Variants in SIL1 observed in about 807,000 individuals in gnomAD.
SIL1 encodes nucleotide exchange factor SIL1.
Under a neutral mutation model 49.1 loss-of-function variants are expected in SIL1, and 40 were observed. That is an observed-to-expected ratio of 0.81 (90% CI 0.63 to 1.06). SIL1 has a LOEUF of 1.06. Ranked by LOEUF, SIL1 falls within the 50% of genes least tolerant of loss-of-function variation. The probability of loss-of-function intolerance (pLI) is 0.00; values close to 1 mark genes in which losing one functional copy is unlikely to be tolerated. For missense variants in SIL1, 500 were observed against 572.6 expected, an observed-to-expected ratio of 0.87 and a Z score of 1.29; for synonymous variants, 253 against 250.8, an observed-to-expected ratio of 1.01 and a Z score of -0.08.
At chr5:139,182,215 A>C (rs1246334820) in intron 1 of SIL1, among the ~76,000 whole-genome samples, 1 of 152,218 alleles carries the variant, frequency 6.6e-6, no homozygotes, top group Admixed American at 6.5e-5. Flanking sequence ...AGGTCCACGC[A>C]GCACAAAAAG....
At chr5:139,005,707 G>A (rs1768103038) in intron 7 of SIL1, among the ~76,000 whole-genome samples, 1 of 83,926 alleles carries the variant, frequency 1.2e-5, no homozygotes, top group South Asian at 4.8e-4. Flanking sequence ...GCGGTGTTTG[G>A]TTTTTTGTTC....
chr5:138,955,312 T>TA (rs1196093685), intron 7 of SIL1, among the ~76,000 whole-genome samples: 2 of 152,172 alleles, frequency 1.3e-5, no homozygotes, highest in African/African-American at 4.8e-5. Context: ...TAAATACCAT[T>TA]AGCACTTGGA....
intron 7 of SIL1, among the ~76,000 whole-genome samples, chr5:138,966,893 C>T (rs965729848): frequency 1.2e-4 from 18 of 152,290 alleles, no homozygotes; most frequent in Admixed American, 2.6e-4. Context: ...ACTGGGGACA[C>T]GCCGCAAATT....
chr5:138,959,783 GT>G (rs1008778905), intron 7 of SIL1, among the ~76,000 whole-genome samples: 2 of 152,212 alleles, frequency 1.3e-5, no homozygotes, highest in African/African-American at 4.8e-5. Flanking sequence ...CCCACCCACA[GT>G]CCAATGGGCC....
At chr5:139,092,976 G>A (rs954676020) in intron 3 of SIL1, among the ~76,000 whole-genome samples, 4 of 152,122 alleles carry the variant, frequency 2.6e-5, no homozygotes, top group South Asian at 2.1e-4. Context: ...GTAAGTTTTC[G>A]CAAGAGTAGT....
chr5:139,129,113 C>T (rs1040262024), intron 1 of SIL1, among the ~76,000 whole-genome samples: 1 of 152,150 alleles, frequency 6.6e-6, no homozygotes, highest in Non-Finnish European at 1.5e-5. Context: ...CACCACTGCA[C>T]TACAACCTGG....
chr5:139,001,014 C>A (rs1280760757), intron 7 of SIL1, among the ~76,000 whole-genome samples: 1 of 151,796 alleles, frequency 6.6e-6, no homozygotes. Flanking sequence ...CACACAAAAA[C>A]CTACATAATC....
intron 4 of SIL1, among the ~76,000 whole-genome samples, chr5:139,045,229 C>T (rs533741079): frequency 6.6e-5 from 10 of 152,022 alleles, no homozygotes; most frequent in Non-Finnish European, 1.3e-4. Flanking sequence ...AGGTGGTGTG[C>T]ACCTGTGGCC....
chr5:138,950,040 G>A (rs1766731148), intron 9 of SIL1, among the ~76,000 whole-genome samples: 1 of 152,280 alleles, frequency 6.6e-6, no homozygotes, highest in South Asian at 2.1e-4. Flanking sequence ...GGCTCCCGGG[G>A]CCGGCAGCCT....
At chr5:139,104,405 A>G (rs894177599) in intron 3 of SIL1, among the ~76,000 whole-genome samples, 2 of 152,074 alleles carry the variant, frequency 1.3e-5, no homozygotes, top group Non-Finnish European at 2.9e-5. Flanking sequence ...TGATTCCCCA[A>G]AGTCCCACTC....
intron 7 of SIL1, 42 bp downstream of exon 7, chr5:139,021,129 C>T (rs758269272): frequency 6.2e-7 from 1 of 1,613,998 alleles, no homozygotes; most frequent in Non-Finnish European, 8.5e-7. Context: ...GCAGATCAGG[C>T]CAAGCAATTC....
chr5:139,149,126 G>GA (rs957808468), intron 1 of SIL1, among the ~76,000 whole-genome samples: 25 of 143,730 alleles, frequency 1.7e-4, no homozygotes, highest in East Asian at 4.0e-4. Flanking sequence ...GAGCACCCAG[G>GA]AAAAAAAAAA....
intron 1 of SIL1, among the ~76,000 whole-genome samples, chr5:139,143,209 G>A (rs1581130807): frequency 6.8e-6 from 1 of 147,568 alleles, no homozygotes; most frequent in African/African-American, 2.6e-5. Context: ...ATATATATGT[G>A]TATATACACA....
intron 7 of SIL1, among the ~76,000 whole-genome samples, chr5:139,016,526 G>GAAT: frequency 6.6e-6 from 1 of 152,124 alleles, no homozygotes; most frequent in Middle Eastern, 3.2e-3. Context: ...GAATCTTTGT[G>GAAT]AATAGCTACA....
chr5:139,038,500 A>G (rs775351306), intron 5 of SIL1, among the ~76,000 whole-genome samples: 2 of 152,210 alleles, frequency 1.3e-5, no homozygotes, highest in Non-Finnish European at 2.9e-5. Flanking sequence ...ATTCCACACT[A>G]TAGTTCAGTT....
At chr5:139,079,257 T>C (rs1770020035) in intron 3 of SIL1, among the ~76,000 whole-genome samples, 1 of 152,164 alleles carries the variant, frequency 6.6e-6, no homozygotes, top group African/African-American at 2.4e-5. Flanking sequence ...GACTCAAATC[T>C]GGTTTACCAC....
chr5:139,090,721 CA>C (rs1435534968), intron 3 of SIL1, among the ~76,000 whole-genome samples: 1 of 152,164 alleles, frequency 6.6e-6, no homozygotes, highest in Non-Finnish European at 1.5e-5. Context: ...TCTCCCACCT[CA>C]GCTTCTGGAG....
chr5:138,989,200 A>G (rs893900688), intron 7 of SIL1, among the ~76,000 whole-genome samples: 6 of 152,232 alleles, frequency 3.9e-5, no homozygotes, highest in African/African-American at 1.4e-4. Context: ...TAATCTGGAC[A>G]CTTACCAAAA....
At chr5:139,166,985 T>C (rs1407521274) in intron 1 of SIL1, among the ~76,000 whole-genome samples, 1 of 152,156 alleles carries the variant, frequency 6.6e-6, no homozygotes, top group East Asian at 1.9e-4. Flanking sequence ...ATTATTTTTT[T>C]GTATTTTTAG....
Sources: gnomAD v4.1 joint callset for allele counts (sites outside exome capture counted in the v4.1 genomes callset) on GRCh38, gnomAD v4.1.1 for gene constraint, MANE v1.5 for transcripts, NCBI Gene and HGNC (gene_info 2026-07-23, HGNC 2026-07-21) for gene names.